NIPA1: variants seen among roughly 807,000 people sequenced by gnomAD.
NIPA1 encodes the protein magnesium transporter NIPA1.
A neutral mutation model predicts 23.9 loss-of-function variants in NIPA1; 13 were observed. The ratio of observed to expected loss-of-function variants is 0.54; its 90% CI spans 0.35 to 0.87. NIPA1 has a LOEUF of 0.87. Among genes scored for constraint, NIPA1 ranks in the 40% least tolerant of loss-of-function variants. The pLI is 0.01. For missense variants in NIPA1, 362 were observed against 429.7 expected (o/e 0.84, Z 1.39); for synonymous variants, 234 against 202.9 (o/e 1.15, Z -1.30).
chr15:22,803,692 T>C (rs1234575843), intron 1 of NIPA1, among the ~76,000 whole-genome samples: 8 of 143,342 alleles, frequency 5.6e-5, no homozygotes, highest in Non-Finnish European at 1.2e-4. Context: ...TTTTTTTTTT[T>C]TTTTTGAGAC....
In NIPA1 at chr15:22,828,657, G is replaced by A. The variant is rs1185656056; in HGVS notation, c.*4418G>A. On this transcript the variant is annotated 3_prime_UTR_variant, in exon 5 of 5. Transcript: ENST00000337435. Reference sequence around the variant, plus strand: ...AAAAGTTGATATTCAGTAGAACAAGGATCATGTAAATAAACATCTATTTCA... The same window carrying A: ...AAAAGTTGATATTCAGTAGAACAAGAATCATGTAAATAAACATCTATTTCA... 6.6e-6 allele frequency: 1 copy of A among 152,536 alleles called. No homozygotes were observed. Among genetic ancestry groups the A allele is most frequent in the Non-Finnish European group, 1.5e-5 (1 of 68,028 alleles). The allele number at this position is 152,536 out of a possible 1,614,324, so 9.4% of individuals were successfully genotyped here.
Position 22,810,959 on chromosome 15 carries a change from C to T in NIPA1, c.226+163C>T, listed in dbSNP as rs17137329. The T allele has an allele frequency of 8.7e-3, 6,009 of 692,044 alleles. 242 individuals carry two copies. In the African/African-American group the frequency reaches 0.094, roughly 11 times the overall value. 42.9% of individuals were successfully genotyped at this position (692,044 alleles called of 1,614,324 possible). A position where few individuals can be genotyped will look rare whatever the true frequency, so the allele number is the denominator to read the frequency against. Reference sequence around the variant, plus strand: ...AGCGTGCCTTTCAGTTCGGATGTCCCTGCCTCCCCAGGGCACTCTCCCTGC... The same window carrying T: ...AGCGTGCCTTTCAGTTCGGATGTCCTTGCCTCCCCAGGGCACTCTCCCTGC... On this transcript the variant is annotated intron_variant, in intron 2 of 4. Coordinates refer to ENST00000337435, the MANE Select transcript of NIPA1 (RefSeq NM_144599.5).
At chr15:22,806,177 C>A (rs1341352815) in intron 1 of NIPA1, among the ~76,000 whole-genome samples, 6 of 152,202 alleles carry the variant, frequency 3.9e-5, no homozygotes, top group Non-Finnish European at 7.3e-5. Context: ...CCCGCCTCGG[C>A]CTCCCAAAGT....
At chr15:22,800,187 C>G (rs1895046087) in intron 1 of NIPA1, among the ~76,000 whole-genome samples, 1 of 152,052 alleles carries the variant, frequency 6.6e-6, no homozygotes, top group African/African-American at 2.4e-5. Flanking sequence ...AACAAATCAT[C>G]CTTCCTCAGC....
intron 1 of NIPA1, among the ~76,000 whole-genome samples, chr15:22,799,521 A>G (rs949559677): frequency 5.3e-5 from 8 of 152,050 alleles, no homozygotes; most frequent in South Asian, 2.1e-4. Flanking sequence ...AGTGGCTCAC[A>G]CCTGTAATCC....
chr15:22,799,930 T>C (rs1895034827), intron 1 of NIPA1, among the ~76,000 whole-genome samples: 1 of 100,658 alleles, frequency 9.9e-6, no homozygotes, highest in Non-Finnish European at 1.8e-5. Context: ...GGAGACAGAA[T>C]GAGACCCTGT....
chr15:22,821,339 T>A (rs1414629968), intron 4 of NIPA1, among the ~76,000 whole-genome samples: 1 of 152,228 alleles, frequency 6.6e-6, no homozygotes, highest in African/African-American at 2.4e-5. Context: ...AGATTTCACT[T>A]TAAGTAGACC....
intron 3 of NIPA1, among the ~76,000 whole-genome samples, chr15:22,817,821 AAT>A (rs1366722616): frequency 6.6e-6 from 1 of 152,036 alleles, no homozygotes; most frequent in East Asian, 1.9e-4. Context: ...AAAAAAAAAA[AAT>A]TGCATCTATA....
rs944407084 is a variant in NIPA1 at position 22,829,308 on chromosome 15, A to G, written c.*5069A>G. ...GAACTTCCTGCTTCCAAGCAGCTCA[A>G]CCCTGATGCTGAACTGACACCAGGC... On this transcript the variant is annotated 3_prime_UTR_variant, in exon 5 of 5. Transcript: ENST00000337435. 4 of 152,170 alleles carry G rather than the reference A, an allele frequency of 2.6e-5. No individual in the cohort carries two copies. The highest frequency in any genetic ancestry group is 2.1e-4 in the South Asian group (1 of 4,818). 9.4% of individuals were successfully genotyped at this position (152,170 alleles called of 1,614,324 possible). A position where few individuals can be genotyped will look rare whatever the true frequency, so the allele number is the denominator to read the frequency against.
intron 1 of NIPA1, among the ~76,000 whole-genome samples, chr15:22,796,122 A>G (rs542779054): frequency 6.6e-6 from 1 of 151,698 alleles, no homozygotes; most frequent in East Asian, 1.9e-4. Context: ...AGATCTTGCT[A>G]TGTTGTCCAG....
chr15:22,815,312 T>C (rs1348868712), intron 3 of NIPA1, among the ~76,000 whole-genome samples: 1 of 152,208 alleles, frequency 6.6e-6, no homozygotes, highest in Non-Finnish European at 1.5e-5. Flanking sequence ...TATGCCATTA[T>C]TTTATGTCAT....
chr15:22,824,522 C>A lies in NIPA1; in HGVS notation c.*283C>A. ...ACCTGGAAGCTTTCATGAATATTCT[C>A]TTCTTTTAAAACATTTTAACATTAT... On this transcript the variant is annotated 3_prime_UTR_variant, in exon 5 of 5. Coordinates refer to ENST00000337435, the MANE Select transcript of NIPA1 (RefSeq NM_144599.5). The surrounding 1 kb of genome is among the most constrained non-coding windows in gnomAD (Gnocchi z 4.1). 2.3e-6 allele frequency: 1 copy of A among 437,550 alleles called. No individual in the cohort carries two copies. Among genetic ancestry groups the A allele is most frequent in the Non-Finnish European group, 4.2e-6 (1 of 240,254 alleles). 27.1% of individuals were successfully genotyped at this position (437,550 alleles called of 1,614,324 possible).
chr15:22,805,283 T>C (rs1895184308), intron 1 of NIPA1, among the ~76,000 whole-genome samples: 1 of 152,212 alleles, frequency 6.6e-6, no homozygotes, highest in South Asian at 2.1e-4. Context: ...GTCCATGAGT[T>C]AAGTTGGTGC....
At position 22,799,633 on chromosome 15, in the gene NIPA1, T is replaced by G. The variant is rs181305217; in HGVS notation, c.179-11116T>G. ...CCATCTCTACTAAAAATACAAAAAA[T>G]TAGCCAGGTGTGGCGGCAGGCGCCT... On this transcript the variant is annotated intron_variant, in intron 1 of 4. Transcript: ENST00000337435. Among the ~76,000 whole-genome samples, 103 of 151,832 alleles carry G rather than the reference T, an allele frequency of 6.8e-4. 3 individuals carry two copies. Among genetic ancestry groups the G allele is most frequent in the Non-Finnish European group, 4.4e-5 (3 of 67,924 alleles).
intron 3 of NIPA1, among the ~76,000 whole-genome samples, chr15:22,819,583 C>T (rs982771645): frequency 1.3e-5 from 2 of 152,176 alleles, no homozygotes; most frequent in Non-Finnish European, 2.9e-5. Flanking sequence ...ATAGCCACCC[C>T]ATACTACTTC....
intron 2 of NIPA1, 50 bp downstream of exon 2, chr15:22,810,846 T>G (rs1304210355): frequency 7.0e-7 from 1 of 1,421,520 alleles, no homozygotes; most frequent in Non-Finnish European, 1.0e-6. Flanking sequence ...TTAGAATCCA[T>G]CACTGGTCTG....
chr15:22,791,834 G>C (rs1894834846), intron 1 of NIPA1, among the ~76,000 whole-genome samples: 1 of 152,164 alleles, frequency 6.6e-6, no homozygotes, highest in Non-Finnish European at 1.5e-5. Flanking sequence ...AGTAGTCCAG[G>C]GAGCGTCGTC....
intron 1 of NIPA1, among the ~76,000 whole-genome samples, chr15:22,798,385 G>A (rs1373251237): frequency 3.5e-4 from 52 of 148,644 alleles, no homozygotes; most frequent in African/African-American, 1.2e-3. Context: ...GACTACAGGC[G>A]CCCGCCACCA....
At chr15:22,800,328 C>G (rs1595634536) in intron 1 of NIPA1, among the ~76,000 whole-genome samples, 1 of 152,032 alleles carries the variant, frequency 6.6e-6, no homozygotes, top group Non-Finnish European at 1.5e-5. Context: ...AACATAATAC[C>G]TTTATTGCAC....
Sources: gnomAD v4.1 joint callset for allele counts (sites outside exome capture counted in the v4.1 genomes callset) on GRCh38, gnomAD v4.1.1 for gene constraint, Gnocchi (gnomAD v3.1) non-coding constraint, MANE v1.5 for transcripts, NCBI Gene and HGNC (gene_info 2026-07-23, HGNC 2026-07-21) for gene names.